HOGA1: variants seen among roughly 807,000 people sequenced by gnomAD.
The protein encoded by HOGA1 is 4-hydroxy-2-oxoglutarate aldolase, mitochondrial.
In HOGA1, 30 loss-of-function variants were observed where a neutral mutation model predicts 34.3. That is an observed-to-expected ratio of 0.87 (90% confidence interval 0.65 to 1.19). The LOEUF (loss-of-function observed/expected upper bound fraction) is 1.19. Ranked by LOEUF, HOGA1 falls within the 50% of genes most tolerant of loss-of-function variation. The pLI, the probability that HOGA1 is intolerant of heterozygous loss-of-function variation, is 0.00. For synonymous variants in HOGA1, 161 were observed against 174.0 expected (o/e 0.93, Z 0.59); for missense variants, 417 against 436.5 (o/e 0.96, Z 0.40).
intron 6 of HOGA1, among the ~76,000 whole-genome samples, chr10:97,609,744 G>A (rs1327991318): frequency 2.0e-5 from 3 of 152,192 alleles, no homozygotes; most frequent in Non-Finnish European, 2.9e-5. Flanking sequence ...TGGCAGGAGT[G>A]AGCTTTTCTC....
chr10:97,585,405 A>AC (rs1444565148), intron 1 of HOGA1, among the ~76,000 whole-genome samples: 1 of 151,994 alleles, frequency 6.6e-6, no homozygotes, highest in Non-Finnish European at 1.5e-5. Context: ...GGCTCCTGTG[A>AC]CCCCATCTCT....
chr10:97,607,480 G>T (rs1399748669), intron 6 of HOGA1, among the ~76,000 whole-genome samples: 1 of 152,152 alleles, frequency 6.6e-6, no homozygotes, highest in Non-Finnish European at 1.5e-5. Context: ...GAGAGAACTG[G>T]CTTCTGTTAG....
rs2041195670 is a variant in HOGA1 at position 97,611,537 on chromosome 10, C to T, written c.862C>T (p.Leu288=). 1 of 1,614,144 alleles carries T rather than the reference C, an allele frequency of 6.2e-7. No homozygotes were observed. The highest frequency in any genetic ancestry group is 1.3e-5 in the African/African-American group (1 of 74,958). The change falls in exon 7 of 7, where the codon CTG becomes TTG. Residue 288 remains leucine (L), a synonymous_variant. Transcript: ENST00000370646. ...GACCCGGCGCTTTGGGATCCCAGGG[C>T]TGAAGAAAATCATGGACTGGTTTGG... is the stretch of plus-strand genomic sequence containing the variant. ...AVTRRFGIPG[L]KKIMDWFGYY... is the part of the protein sequence containing the mutation.
In HOGA1 at chr10:97,603,719, C is replaced by T. The variant is rs2041138059; in HGVS notation, c.834+1729C>T. ...CTGGGATTACAGATGCCTGCCACCA[C>T]ACCCGGCTAATTTTTGTGCTTTTAG... On this transcript the variant is annotated intron_variant, in intron 6 of 6. Coordinates refer to ENST00000370646, the MANE Select transcript of HOGA1 (RefSeq NM_138413.4). This position sits in a 1 kb window ranked among gnomAD's most constrained non-coding sequence, Gnocchi z 4.5. 6.6e-6 allele frequency among the ~76,000 whole-genome samples: 1 copy of T among 152,044 alleles called. No homozygotes were observed. Among genetic ancestry groups the T allele is most frequent in the Non-Finnish European group, 1.5e-5 (1 of 67,998 alleles).
chr10:97,587,752 G>A (rs898799136), intron 1 of HOGA1, among the ~76,000 whole-genome samples: 10 of 151,908 alleles, frequency 6.6e-5, no homozygotes, highest in African/African-American at 1.9e-4. Flanking sequence ...ACGGTCCGCC[G>A]GCCTCGGCCT....
chr10:97,600,097 A>C lies in HOGA1; in HGVS notation c.634A>C (p.Thr212Pro), dbSNP rs779492256. The C allele has an allele frequency of 6.2e-7, 1 of 1,614,142 alleles. No individual in the cohort carries two copies. Residue 212 changes from threonine to proline, a missense_variant, in exon 5 of 7, where the codon ACC becomes CCC. Thr to Pro is a conservative substitution (Grantham distance 38, BLOSUM62 -1). Coordinates refer to ENST00000370646, the MANE Select transcript of HOGA1 (RefSeq NM_138413.4). ...VTRIGLIVHK[T>P]RKQDFQVLAG... is the part of the protein sequence containing the mutation. ...CAGGATTGGGCTGATTGTTCACAAG[A>C]CCAGGAAGCAGGATTTTCAGGTGTT...
rs2275051 is a variant in HOGA1 at position 97,602,218 on chromosome 10, T to C, written c.834+228T>C. On this transcript the variant is annotated intron_variant, in intron 6 of 6. Coordinates refer to ENST00000370646, the MANE Select transcript of HOGA1 (RefSeq NM_138413.4). The stretch of plus-strand genomic sequence containing the variant: ...AACTTAAGTGTGCATTAAAATTTCC[T>C]TGGGGGCGAATTAAAGTTCCAACTT... 556 of 1,525,430 alleles carry C rather than the reference T, an allele frequency of 3.6e-4. 6 individuals carry two copies. The East Asian group carries it at 0.014, about 38-fold the overall frequency. 94.5% of individuals were successfully genotyped at this position (1,525,430 alleles called of 1,614,324 possible).
Position 97,612,711 on chromosome 10 carries a change from C to G in HOGA1, c.*1052C>G, listed in dbSNP as rs1182801710. The G allele has an allele frequency of 6.6e-6, 1 of 152,150 alleles. No homozygotes were observed. Among genetic ancestry groups the G allele is most frequent in the Non-Finnish European group, 1.5e-5 (1 of 68,036 alleles). 9.4% of individuals were successfully genotyped at this position (152,150 alleles called of 1,614,324 possible). A position where few individuals can be genotyped will look rare whatever the true frequency, so the allele number is the denominator to read the frequency against. On this transcript the variant is annotated 3_prime_UTR_variant, in exon 7 of 7. Coordinates refer to ENST00000370646, the MANE Select transcript of HOGA1 (RefSeq NM_138413.4). ...GTCTGAAACACTAAGGAGACTTGGCCTGAGATAGGGCCATCCACTTGCCTA... is the reference window on the plus strand; with the variant it reads ...GTCTGAAACACTAAGGAGACTTGGCGTGAGATAGGGCCATCCACTTGCCTA...
chr10:97,609,578 CTA>C (rs2041181203), intron 6 of HOGA1, among the ~76,000 whole-genome samples: 1 of 152,304 alleles, frequency 6.6e-6, no homozygotes, highest in East Asian at 1.9e-4. Flanking sequence ...TGATGTCACT[CTA>C]TTGCCCATCC....
chr10:97,610,196 C>T (rs572688233), intron 6 of HOGA1, among the ~76,000 whole-genome samples: 64 of 152,264 alleles, frequency 4.2e-4, no homozygotes, highest in East Asian at 1.5e-3. Flanking sequence ...GGCCAGGCGC[C>T]GTGGCTCATG....
In HOGA1 at chr10:97,611,653, G is replaced by C; in HGVS notation, c.978G>C (p.Trp326Cys). 6.2e-7 allele frequency: 1 copy of C among 1,612,850 alleles called. No homozygotes were observed. The change falls in exon 7 of 7, where the codon TGG (tryptophan) becomes TGC (cysteine). Residue 326 changes from tryptophan to cysteine, a missense_variant. Physicochemically the swap from Trp to Cys is radical, Grantham distance 215. Transcript: ENST00000370646. The stretch of plus-strand genomic sequence containing the variant: ...GCATGGATTTCACCAGCAACGGCTG[G>C]CTCTGAGGGCAGGCAGGGTCCATGG... ...ALRMDFTSNG[W>C]L
chr10:97,589,821 C>T, intron 1 of HOGA1: 1 of 1,150,904 alleles, frequency 8.7e-7, no homozygotes, highest in Non-Finnish European at 1.3e-6. Flanking sequence ...GTCCTGGAGA[C>T]CTTCTTGGAG....
In HOGA1 at chr10:97,611,873, T is replaced by C; in HGVS notation, c.*214T>C. On this transcript the variant is annotated 3_prime_UTR_variant, in exon 7 of 7. Transcript: ENST00000370646. ...CCCCTGACCTCTCCCTTTTGGATCCTAAACTGTGTCTCTGGTCTGAAGACT... is the reference window on the plus strand; with the variant it reads ...CCCCTGACCTCTCCCTTTTGGATCCCAAACTGTGTCTCTGGTCTGAAGACT... The C allele has an allele frequency of 1.7e-6, 1 of 587,710 alleles. No homozygotes were observed. Among genetic ancestry groups the C allele is most frequent in the Non-Finnish European group, 3.0e-6 (1 of 331,132 alleles). 36.4% of individuals were successfully genotyped at this position (587,710 alleles called of 1,614,324 possible). A position where few individuals can be genotyped will look rare whatever the true frequency, so the allele number is the denominator to read the frequency against.
At chr10:97,584,987 C>G (rs888278009) in intron 1 of HOGA1, 73 bp downstream of exon 1, 1 of 1,292,988 alleles carries the variant, frequency 7.7e-7, no homozygotes, top group Non-Finnish European at 1.1e-6. Context: ...AGGGAGGGTA[C>G]ACAGGCTCTG....
chr10:97,585,077 A>G (rs764728194), intron 1 of HOGA1, among the ~76,000 whole-genome samples, 163 bp downstream of exon 1: 2 of 152,246 alleles, frequency 1.3e-5, no homozygotes, highest in Non-Finnish European at 2.9e-5. Context: ...GTCTGGAGTC[A>G]GGAGACAGGC....
In HOGA1 at chr10:97,584,792, G is replaced by T. The variant is rs759795758; in HGVS notation, c.89G>T (p.Gly30Val). 51 of 1,613,836 alleles carry T rather than the reference G, an allele frequency of 3.2e-5. No homozygotes were observed. Among genetic ancestry groups the T allele is most frequent in the Non-Finnish European group, 4.1e-5 (48 of 1,179,934 alleles). The change falls in exon 1 of 7, where the codon GGG (glycine) becomes GTG (valine). Residue 30 changes from glycine to valine, a missense_variant. Transcript: ENST00000370646. Reference sequence around the variant, plus strand: ...GTGGGGGTCTGGGCCTCAGGGGAGGGGAAGAAGGTGGACATTGCGGGTATC... The same window carrying T: ...GTGGGGGTCTGGGCCTCAGGGGAGGTGAAGAAGGTGGACATTGCGGGTATC... ...RNVGVWASGE[G>V]KKVDIAGIYP...
chr10:97,598,688 A>G (rs2041089491), intron 1 of HOGA1, 87 bp from the exon 2 acceptor site: 1 of 1,512,448 alleles, frequency 6.6e-7, no homozygotes, highest in African/African-American at 1.4e-5. Flanking sequence ...AATGTGTGAA[A>G]GATTATGGTG....
intron 1 of HOGA1, chr10:97,590,821 G>A (rs1300683957): frequency 3.5e-6 from 2 of 573,944 alleles, no homozygotes; most frequent in South Asian, 2.3e-5. Flanking sequence ...GCGCAGGTGA[G>A]ATAGACCCTG....
intron 6 of HOGA1, among the ~76,000 whole-genome samples, chr10:97,605,163 T>C (rs1467192723): frequency 2.0e-5 from 3 of 151,932 alleles, no homozygotes; most frequent in Admixed American, 2.0e-4. Context: ...AACCCCATCA[T>C]TTTGGGAGGC....
Sources: allele counts gnomAD v4.1 joint callset (sites outside exome capture counted in the v4.1 genomes callset), GRCh38; gene constraint gnomAD v4.1.1; non-coding constraint Gnocchi (gnomAD v3.1); transcripts MANE v1.5; gene names NCBI Gene and HGNC (gene_info 2026-07-23, HGNC 2026-07-21).